Variants in IQCM observed in about 807,000 individuals in gnomAD.
IQCM encodes IQ domain-containing protein M.
In IQCM, 45 loss-of-function variants were observed where a neutral mutation model predicts 57.6. That is an observed-to-expected ratio of 0.78 (90% CI 0.62 to 1.00). The LOEUF (loss-of-function observed/expected upper bound fraction) is 1.00. Ranked by LOEUF, IQCM falls within the 50% of genes least tolerant of loss-of-function variation. IQCM has a pLI of 0.00. For synonymous variants in IQCM, 148 were observed against 158.9 expected (o/e 0.93, Z 0.51); for missense variants, 468 against 511.6 (o/e 0.91, Z 0.82).
At chr4:149,728,961 A>G (rs963253602) in intron 5 of IQCM, among the ~76,000 whole-genome samples, 1 of 152,218 alleles carries the variant, frequency 6.6e-6, no homozygotes, top group Non-Finnish European at 1.5e-5. Context: ...ACCCAAGTAC[A>G]GAAGATATCT....
At chr4:149,505,316 T>C (rs1743688022) in intron 12 of IQCM, among the ~76,000 whole-genome samples, 2 of 152,288 alleles carry the variant, frequency 1.3e-5, no homozygotes, top group East Asian at 3.9e-4. Flanking sequence ...GACATATCTA[T>C]TGAGTAGAGT....
chr4:149,705,671 C>T (rs957536240), intron 5 of IQCM, among the ~76,000 whole-genome samples: 16 of 151,872 alleles, frequency 1.1e-4, no homozygotes, highest in African/African-American at 3.6e-4. Flanking sequence ...CATATACCTG[C>T]ACACACATAA....
intron 5 of IQCM, among the ~76,000 whole-genome samples, chr4:149,688,767 T>C (rs1304101109): frequency 6.6e-6 from 1 of 151,874 alleles, no homozygotes; most frequent in African/African-American, 2.4e-5. Flanking sequence ...TATAAACCAA[T>C]GGAACAGAAG....
At chr4:149,614,922 A>G (rs371228555) in intron 8 of IQCM, among the ~76,000 whole-genome samples, 2 of 152,202 alleles carry the variant, frequency 1.3e-5, no homozygotes, top group African/African-American at 2.4e-5. Context: ...GCAACATAGT[A>G]TGTTAGCCAC....
At position 149,701,302 on chromosome 4, in the gene IQCM, A is replaced by G. The variant is rs563430690; in HGVS notation, c.386-14834T>C. Among the ~76,000 whole-genome samples the G allele has an allele frequency of 9.2e-5, 14 of 152,116 alleles. No homozygotes were observed. In the East Asian group the frequency reaches 9.7e-4, roughly 11 times the overall value. On this transcript the variant is annotated intron_variant, in intron 5 of 13. Coordinates refer to ENST00000636793, the MANE Select transcript of IQCM (RefSeq NM_001363507.2). ...TGTTGGGGGGAAAACAAAAACATTC[A>G]TGGAGAAGCCTAAAACACCACAGTC...
chr4:149,594,642 T>C (rs899847456), intron 8 of IQCM, among the ~76,000 whole-genome samples: 3 of 152,220 alleles, frequency 2.0e-5, no homozygotes, highest in South Asian at 2.1e-4. Context: ...TCCCAGAGAT[T>C]CTGGTATGTT....
At chr4:149,615,699 A>G (rs1755732057) in intron 8 of IQCM, among the ~76,000 whole-genome samples, 1 of 152,216 alleles carries the variant, frequency 6.6e-6, no homozygotes, top group African/African-American at 2.4e-5. Context: ...CAATGACTTT[A>G]TTTTAGCAAA....
At chr4:149,679,924 T>G (rs2054576847) in intron 7 of IQCM, among the ~76,000 whole-genome samples, 1 of 151,410 alleles carries the variant, frequency 6.6e-6, no homozygotes, top group Non-Finnish European at 1.5e-5. Flanking sequence ...ATTCATTATT[T>G]TTCACGAAAG....
intron 12 of IQCM, among the ~76,000 whole-genome samples, chr4:149,467,220 C>T (rs1560875563): frequency 6.6e-6 from 1 of 152,112 alleles, no homozygotes; most frequent in Admixed American, 6.6e-5. Context: ...TAGATGCCTA[C>T]AAAAATCTCT....
intron 9 of IQCM, among the ~76,000 whole-genome samples, chr4:149,567,562 G>C (rs1163537811): frequency 6.6e-6 from 1 of 151,842 alleles, no homozygotes; most frequent in Non-Finnish European, 1.5e-5. Context: ...TGGCCAGGTG[G>C]GTCTTAAACT....
chr4:149,457,803 G>A (rs928934417), intron 12 of IQCM, among the ~76,000 whole-genome samples: 1 of 151,954 alleles, frequency 6.6e-6, no homozygotes, highest in Non-Finnish European at 1.5e-5. Context: ...TAGCAATCAC[G>A]CTCCCTTTTG....
At chr4:149,432,217 A>G (rs2111267438) in intron 13 of IQCM, among the ~76,000 whole-genome samples, 1 of 151,958 alleles carries the variant, frequency 6.6e-6, no homozygotes, top group Non-Finnish European at 1.5e-5. Flanking sequence ...CTTGTTTGGT[A>G]TCATTAGATT....
At chr4:149,605,347 T>C (rs1754682396) in intron 8 of IQCM, among the ~76,000 whole-genome samples, 1 of 152,170 alleles carries the variant, frequency 6.6e-6, no homozygotes, top group African/African-American at 2.4e-5. Flanking sequence ...ACCTCCACAT[T>C]TGAAAATCTT....
intron 12 of IQCM, among the ~76,000 whole-genome samples, chr4:149,461,220 CAAAA>C: frequency 1.2e-5 from 1 of 85,424 alleles, no homozygotes; most frequent in Non-Finnish European, 2.2e-5. Flanking sequence ...GCAACAAGAG[CAAAA>C]CTCCATCTCA....
At chr4:149,601,970 C>G (rs560939426) in intron 8 of IQCM, among the ~76,000 whole-genome samples, 2 of 143,666 alleles carry the variant, frequency 1.4e-5, no homozygotes, top group East Asian at 4.2e-4. Context: ...GGGAGAATGG[C>G]GTGAACCCGG....
intron 2 of IQCM, among the ~76,000 whole-genome samples, chr4:149,749,030 TCA>T (rs1375682760): frequency 1.3e-5 from 2 of 152,120 alleles, no homozygotes; most frequent in Non-Finnish European, 1.5e-5. Context: ...ACCACGACCA[TCA>T]CACTCCCAAA....
intron 7 of IQCM, among the ~76,000 whole-genome samples, chr4:149,657,593 C>T (rs1474977349): frequency 1.3e-5 from 2 of 152,040 alleles, no homozygotes; most frequent in African/African-American, 4.8e-5. Context: ...TACTGTTTTC[C>T]ATGATCGCTT....
chr4:149,528,149 C>T (rs1461582471), intron 12 of IQCM, among the ~76,000 whole-genome samples: 1 of 152,008 alleles, frequency 6.6e-6, no homozygotes, highest in Non-Finnish European at 1.5e-5. Context: ...CCACACCTGG[C>T]TAATTTTTGT....
intron 2 of IQCM, among the ~76,000 whole-genome samples, chr4:149,796,925 A>G: frequency 6.6e-6 from 1 of 152,196 alleles, no homozygotes; most frequent in East Asian, 1.9e-4. Flanking sequence ...ATATCTAGAA[A>G]GTCTTCTAAG....
Sources: gnomAD v4.1 joint callset for allele counts (sites outside exome capture counted in the v4.1 genomes callset) on GRCh38, gnomAD v4.1.1 for gene constraint, MANE v1.5 for transcripts, NCBI Gene and HGNC (gene_info 2026-07-23, HGNC 2026-07-21) for gene names.